The following EFCAB6 variants were observed in gnomAD, a reference collection of about 807,000 sequenced individuals.
EFCAB6 encodes EF-hand calcium binding domain 6.
Under a neutral mutation model 169.8 loss-of-function variants are expected in EFCAB6, and 156 were observed. That is an observed-to-expected ratio of 0.92 (90% CI 0.81 to 1.05). The LOEUF (loss-of-function observed/expected upper bound fraction) is 1.05, where lower values mean the gene tolerates loss of function less well. Among genes scored for constraint, EFCAB6 ranks in the 50% least tolerant of loss-of-function variants. The pLI, the probability that EFCAB6 is intolerant of heterozygous loss-of-function variation, is 0.00. For missense variants in EFCAB6, 1,800 were observed against 1,829.1 expected (o/e 0.98, Z 0.29); for synonymous variants, 698 against 676.4 (o/e 1.03, Z -0.50).
At chr22:43,784,288 T>C (rs2061931274) in intron 2 of EFCAB6, among the ~76,000 whole-genome samples, 1 of 151,936 alleles carries the variant, frequency 6.6e-6, no homozygotes, top group South Asian at 2.1e-4. Flanking sequence ...AATACTTCCC[T>C]GAGCAAACAA....
At chr22:43,737,154 C>T (rs1445294595) in intron 6 of EFCAB6, among the ~76,000 whole-genome samples, 3 of 152,126 alleles carry the variant, frequency 2.0e-5, no homozygotes, top group African/African-American at 4.8e-5. Flanking sequence ...AATGGCCTGA[C>T]GTGGCTGAAG....
At chr22:43,584,700 C>T (rs552572014) in intron 24 of EFCAB6, among the ~76,000 whole-genome samples, 5 of 152,114 alleles carry the variant, frequency 3.3e-5, no homozygotes, top group Non-Finnish European at 5.9e-5. Context: ...AAAAAAAACC[C>T]AATAAACATT....
rs1468347591 is a variant in EFCAB6 at position 43,795,662 on chromosome 22, G to A, written c.-8+13333C>T. On this transcript the variant is annotated intron_variant, in intron 2 of 31. Coordinates refer to ENST00000262726, the MANE Select transcript of EFCAB6 (RefSeq NM_022785.4). The surrounding 1 kb of genome is among the most constrained non-coding windows in gnomAD (Gnocchi z 4.2). ...AACTTCGCATTACACTTTTAGTTGG[G>A]AAATTATGAACTCCATTATAAGCTC... Among the ~76,000 whole-genome samples, 1 of 152,062 alleles carries A rather than the reference G, an allele frequency of 6.6e-6. No individual in the cohort carries two copies. Among genetic ancestry groups the A allele is most frequent in the Non-Finnish European group, 1.5e-5 (1 of 68,016 alleles).
rs796459758 is a variant in EFCAB6 at position 43,746,150 on chromosome 22, C to CA, written c.507+9615dup. On this transcript the variant is annotated intron_variant, in intron 6 of 31. Coordinates refer to ENST00000262726, the MANE Select transcript of EFCAB6 (RefSeq NM_022785.4). ...CGGGAAGCGGGGGCCGGGCATCGCT[C>CA]ACCTTTCACAAAAGCCTCGCCTCCC... Among the ~76,000 whole-genome samples the CA allele has an allele frequency of 6.8e-4, 104 of 152,336 alleles. 1 individual carries two copies. Among genetic ancestry groups the CA allele is most frequent in the African/African-American group, 2.4e-3 (101 of 41,582 alleles).
chr22:43,771,234 C>A (rs925612656), intron 4 of EFCAB6, among the ~76,000 whole-genome samples: 6 of 152,060 alleles, frequency 3.9e-5, no homozygotes, highest in Non-Finnish European at 7.4e-5. Flanking sequence ...AACTCGAGAC[C>A]AGCCTGGCCA....
At chr22:43,670,406 C>T (rs2057437469) in intron 15 of EFCAB6, among the ~76,000 whole-genome samples, 1 of 152,138 alleles carries the variant, frequency 6.6e-6, no homozygotes, top group Non-Finnish European at 1.5e-5. Context: ...CCTCAGTTTC[C>T]TTATCTATGA....
chr22:43,638,579 C>G (rs2055586511), intron 17 of EFCAB6, among the ~76,000 whole-genome samples: 1 of 152,192 alleles, frequency 6.6e-6, no homozygotes, highest in Non-Finnish European at 1.5e-5. Context: ...CTAAACGCAA[C>G]CCCTGCACAA....
intron 10 of EFCAB6, among the ~76,000 whole-genome samples, chr22:43,695,326 A>C (rs1221155067): frequency 6.6e-6 from 1 of 152,068 alleles, no homozygotes; most frequent in Non-Finnish European, 1.5e-5. Flanking sequence ...GTAAACAATA[A>C]AACTTTGACT....
chr22:43,677,812 G>A (rs923218090), intron 13 of EFCAB6, among the ~76,000 whole-genome samples, 184 bp downstream of exon 13: 1 of 151,880 alleles, frequency 6.6e-6, no homozygotes, highest in Non-Finnish European at 1.5e-5. Flanking sequence ...CCTTTTTTAA[G>A]ATTCAGAAAC....
intron 26 of EFCAB6, among the ~76,000 whole-genome samples, chr22:43,563,617 A>G (rs1423312296): frequency 1.3e-5 from 2 of 152,190 alleles, no homozygotes; most frequent in Non-Finnish European, 2.9e-5. Flanking sequence ...CAGGCCTGGG[A>G]TTTCACCAAC....
intron 6 of EFCAB6, among the ~76,000 whole-genome samples, chr22:43,755,476 G>C (rs1433161720): frequency 2.6e-5 from 4 of 152,242 alleles, no homozygotes; most frequent in African/African-American, 9.6e-5. Context: ...GACAAAGACA[G>C]AAAAGGCAGC....
At chr22:43,676,937 C>T (rs980248190) in intron 13 of EFCAB6, among the ~76,000 whole-genome samples, 3 of 152,164 alleles carry the variant, frequency 2.0e-5, no homozygotes, top group Non-Finnish European at 4.4e-5. Flanking sequence ...CCATTCAGAT[C>T]CATTCAGTAG....
chr22:43,796,889 C>T (rs951754823), intron 2 of EFCAB6, among the ~76,000 whole-genome samples: 3 of 152,190 alleles, frequency 2.0e-5, no homozygotes, highest in African/African-American at 7.2e-5. Flanking sequence ...CGAGTGGGCC[C>T]TGCTGTCTCG....
chr22:43,559,093 A>T (rs2048876910), intron 26 of EFCAB6, among the ~76,000 whole-genome samples: 1 of 152,260 alleles, frequency 6.6e-6, no homozygotes, highest in Non-Finnish European at 1.5e-5. Context: ...ACAGAATGGA[A>T]GAAAATTTTT....
intron 20 of EFCAB6, 125 bp downstream of exon 20, chr22:43,626,322 C>A: frequency 1.0e-6 from 1 of 1,002,598 alleles, no homozygotes; most frequent in Non-Finnish European, 1.4e-6. Context: ...TTTTCTGAAC[C>A]AAGAAAAAGA....
intron 22 of EFCAB6, among the ~76,000 whole-genome samples, chr22:43,602,324 A>G (rs2052581756): frequency 6.6e-6 from 1 of 152,250 alleles, no homozygotes; most frequent in Non-Finnish European, 1.5e-5. Context: ...ACACAGCCTC[A>G]GAAAGAGGCC....
intron 6 of EFCAB6, among the ~76,000 whole-genome samples, chr22:43,738,551 A>G (rs1224223587): frequency 6.6e-6 from 1 of 151,938 alleles, no homozygotes; most frequent in Non-Finnish European, 1.5e-5. Context: ...CTGTGCATAT[A>G]CTCACATGCA....
chr22:43,694,150 CAT>C (rs968234576), intron 10 of EFCAB6, among the ~76,000 whole-genome samples: 10 of 151,650 alleles, frequency 6.6e-5, no homozygotes, highest in African/African-American at 2.4e-4. Flanking sequence ...GACTTAAAAA[CAT>C]GTTATATAAT....
intron 17 of EFCAB6, among the ~76,000 whole-genome samples, chr22:43,664,517 AG>A (rs2057153135): frequency 6.6e-6 from 1 of 152,202 alleles, no homozygotes; most frequent in Non-Finnish European, 1.5e-5. Context: ...AACAAGATGA[AG>A]GAGGTGAAGG....
Sources: allele counts gnomAD v4.1 joint callset (sites outside exome capture counted in the v4.1 genomes callset), GRCh38; gene constraint gnomAD v4.1.1; non-coding constraint Gnocchi (gnomAD v3.1); transcripts MANE v1.5; gene names NCBI Gene and HGNC (gene_info 2026-07-23, HGNC 2026-07-21).